The following OR2AJ1 variants were observed in gnomAD, a reference collection of about 807,000 sequenced individuals.
OR2AJ1 encodes the protein olfactory receptor family 2 subfamily AJ member 1.
For missense variants in OR2AJ1, 280 were observed against 163.2 expected, an observed-to-expected ratio of 1.72 and a Z score of -3.90; for synonymous variants, 105 against 60.3, an observed-to-expected ratio of 1.74 and a Z score of -3.44.
In OR2AJ1 at chr1:247,934,968, G is replaced by A. The variant is rs185816473; in HGVS notation, c.*213G>A. The A allele has an allele frequency of 1.8e-5, 8 of 439,132 alleles. No individual in the cohort carries two copies. Among genetic ancestry groups the A allele is most frequent in the Non-Finnish European group, 2.8e-5 (7 of 250,698 alleles). The allele number at this position is 439,132 out of a possible 1,614,324, so 27.2% of individuals were successfully genotyped here. On this transcript the variant is annotated 3_prime_UTR_variant, in exon 2 of 2. Coordinates refer to ENST00000318244, the MANE Select transcript of OR2AJ1 (RefSeq NM_001355235.2). The stretch of plus-strand genomic sequence containing the variant: ...ACAGGAAGTAGAAGTTACCCAAGGC[G>A]TCCTATTCCCTAACACCAAAATTGT...
chr1:247,930,109 T>A (rs945079472), intron 1 of OR2AJ1, among the ~76,000 whole-genome samples: 13 of 152,186 alleles, frequency 8.5e-5, no homozygotes, highest in African/African-American at 2.7e-4. Context: ...AAGTCTGATA[T>A]TTTAAGCTTA....
chr1:247,933,528 C>T lies in OR2AJ1; in HGVS notation c.-22-219C>T, dbSNP rs575668992. On this transcript the variant is annotated intron_variant, in intron 1 of 1. Coordinates refer to ENST00000318244, the MANE Select transcript of OR2AJ1 (RefSeq NM_001355235.2). ...TAAGATTATGAGACTCAAGATGGAG[C>T]CAAGGGCCCACTCAATATACTGAAT... Among the ~76,000 whole-genome samples, 93 of 152,138 alleles carry T rather than the reference C, an allele frequency of 6.1e-4. 1 individual carries two copies. Among genetic ancestry groups the T allele is most frequent in the African/African-American group, 2.1e-3 (89 of 41,506 alleles).
In OR2AJ1 at chr1:247,933,768, G is replaced by T. The variant is rs541390281; in HGVS notation, c.-1G>T. 3.5e-6 allele frequency: 2 copies of T among 578,482 alleles called. No individual in the cohort carries two copies. Among genetic ancestry groups the T allele is most frequent in the African/African-American group, 1.9e-5 (1 of 53,148 alleles). The allele number at this position is 578,482 out of a possible 1,614,324, so 35.8% of individuals were successfully genotyped here. ...TTAGGTTAAAAAATAGAGAATTCATGATGGGCCATCAGAATCACACTTTCA... is the reference window on the plus strand; with the variant it reads ...TTAGGTTAAAAAATAGAGAATTCATTATGGGCCATCAGAATCACACTTTCA... On this transcript the variant is annotated 5_prime_UTR_variant, in exon 2 of 2. The change abolishes an upstream ATG in the 5' untranslated region. Transcript: ENST00000318244.
In OR2AJ1 at chr1:247,933,960, C is replaced by T; in HGVS notation, c.192C>T (p.Ser64=). Residue 64 remains serine (S), a synonymous_variant, in exon 2 of 2, where the codon AGC becomes AGT. Transcript: ENST00000318244. ...RLHTPMYFLL[S]HLSLMDILHV... is the part of the protein sequence containing the mutation. ...ACACTCCAATGTATTTTCTGCTCAG[C>T]CATCTCTCCTTAATGGATATCTTGC... is the stretch of plus-strand genomic sequence containing the variant. The T allele has an allele frequency of 5.6e-6, 4 of 717,632 alleles. No homozygotes were observed. Among genetic ancestry groups the T allele is most frequent in the Non-Finnish European group, 1.0e-5 (4 of 385,098 alleles). The allele number at this position is 717,632 out of a possible 1,614,324, so 44.5% of individuals were successfully genotyped here.
intron 1 of OR2AJ1, among the ~76,000 whole-genome samples, chr1:247,930,819 GA>G (rs1285120751): frequency 3.9e-5 from 6 of 151,946 alleles, no homozygotes; most frequent in Non-Finnish European, 8.8e-5. Flanking sequence ...GATGTGTCTG[GA>G]AAAAAATGTG....
chr1:247,927,682 C>T (rs770907910), intron 1 of OR2AJ1, among the ~76,000 whole-genome samples: 10 of 152,188 alleles, frequency 6.6e-5, no homozygotes, highest in Non-Finnish European at 1.0e-4. Flanking sequence ...CTTAGGCCCT[C>T]GTGTTTCCCA....
At chr1:247,930,666 C>T (rs1408629763) in intron 1 of OR2AJ1, among the ~76,000 whole-genome samples, 1 of 152,092 alleles carries the variant, frequency 6.6e-6, no homozygotes, top group Non-Finnish European at 1.5e-5. Context: ...GAATAGTTGG[C>T]TAAATAATTT....
At chr1:247,929,466 A>G (rs949655223) in intron 1 of OR2AJ1, among the ~76,000 whole-genome samples, 2 of 151,878 alleles carry the variant, frequency 1.3e-5, no homozygotes, top group East Asian at 1.9e-4. Context: ...AACCCCTTAC[A>G]TGTGTATTTA....
At chr1:247,929,037 G>A (rs749969461) in intron 1 of OR2AJ1, among the ~76,000 whole-genome samples, 1 of 152,176 alleles carries the variant, frequency 6.6e-6, no homozygotes, top group Non-Finnish European at 1.5e-5. Flanking sequence ...GTAACAAGGA[G>A]AAGACATGTG....
In OR2AJ1 at chr1:247,934,461, A is replaced by G. The variant is rs1660194289; in HGVS notation, c.693A>G (p.Ser231=). 1 of 717,544 alleles carries G rather than the reference A, an allele frequency of 1.4e-6. No homozygotes were observed. Among genetic ancestry groups the G allele is most frequent in the Non-Finnish European group, 2.6e-6 (1 of 385,104 alleles). 44.4% of individuals were successfully genotyped at this position (717,544 alleles called of 1,614,324 possible). A position where few individuals can be genotyped will look rare whatever the true frequency, so the allele number is the denominator to read the frequency against. The change falls in exon 2 of 2, where the codon TCA becomes TCG. Residue 231 remains serine, a synonymous_variant. Transcript: ENST00000318244. ...IILTVLQMKS[S]EARKKSFSTC... is the part of the protein sequence containing the mutation. ...TTACTGTCCTCCAGATGAAATCATC[A>G]GAGGCAAGGAAAAAGTCATTTTCCA...
In OR2AJ1 at chr1:247,933,874, A is replaced by G. The variant is rs769203478; in HGVS notation, c.106A>G (p.Ile36Val). Residue 36 changes from isoleucine to valine, a missense_variant, in exon 2 of 2, where the codon ATT becomes GTT. Transcript: ENST00000318244. ...CTTCTTAGTTTTATTTGTCATTTTC[A>G]TTATGAGTGTAACAGAAAATACGCT... The part of the protein sequence containing the change: ...VFFLVLFVIF[I>V]MSVTENTLMI... 13 of 703,076 alleles carry G rather than the reference A, an allele frequency of 1.8e-5. No individual in the cohort carries two copies. Among genetic ancestry groups the G allele is most frequent in the Non-Finnish European group, 2.7e-5 (10 of 376,336 alleles). 43.6% of individuals were successfully genotyped at this position (703,076 alleles called of 1,614,324 possible).
intron 1 of OR2AJ1, among the ~76,000 whole-genome samples, chr1:247,932,271 G>A (rs189073625): frequency 1.3e-5 from 2 of 152,292 alleles, no homozygotes; most frequent in East Asian, 3.9e-4. Context: ...AGGAGGCTGA[G>A]GTTGCAGTGA....
chr1:247,932,183 C>T (rs1305643188), intron 1 of OR2AJ1, among the ~76,000 whole-genome samples: 1 of 152,084 alleles, frequency 6.6e-6, no homozygotes, highest in East Asian at 1.9e-4. Context: ...TAGTAACATA[C>T]AAAACTTAGC....
intron 1 of OR2AJ1, among the ~76,000 whole-genome samples, chr1:247,926,638 A>G (rs1660094242): frequency 6.6e-6 from 1 of 152,170 alleles, no homozygotes; most frequent in Non-Finnish European, 1.5e-5. Context: ...GGGGTTACTT[A>G]CAGTTCTACA....
intron 1 of OR2AJ1, among the ~76,000 whole-genome samples, chr1:247,929,590 C>A (rs1020642934): frequency 8.0e-5 from 8 of 100,376 alleles, no homozygotes; most frequent in Non-Finnish European, 1.9e-4. Context: ...CTATTCCCCC[C>A]CTTCACTCGG....
chr1:247,929,941 C>T (rs995059974), intron 1 of OR2AJ1, among the ~76,000 whole-genome samples: 1 of 152,050 alleles, frequency 6.6e-6, no homozygotes, highest in Non-Finnish European at 1.5e-5. Flanking sequence ...CATTATATTT[C>T]TATTATATCC....
intron 1 of OR2AJ1, among the ~76,000 whole-genome samples, chr1:247,929,718 A>T (rs1383920371): frequency 6.6e-6 from 1 of 151,978 alleles, no homozygotes; most frequent in Admixed American, 6.6e-5. Context: ...TTTCATAGAA[A>T]TTCATTTCAG....
At chr1:247,929,377 C>G (rs181052011) in intron 1 of OR2AJ1, among the ~76,000 whole-genome samples, 48 of 152,128 alleles carry the variant, frequency 3.2e-4, no homozygotes, top group Non-Finnish European at 4.6e-4. Context: ...TATCCTGAAT[C>G]TCTCTTCTTT....
rs1660200819 is a variant in OR2AJ1 at position 247,934,917 on chromosome 1, G to A, written c.*162G>A. ...CTAAAAATGTAGTGTTCCTTCTGTG[G>A]TACCAATTATAATCATGCAACAGTT... On this transcript the variant is annotated 3_prime_UTR_variant, in exon 2 of 2. Transcript: ENST00000318244. 1 of 555,722 alleles carries A rather than the reference G, an allele frequency of 1.8e-6. No homozygotes were observed. Among genetic ancestry groups the A allele is most frequent in the African/African-American group, 1.9e-5 (1 of 52,300 alleles). The allele number at this position is 555,722 out of a possible 1,614,324, so 34.4% of individuals were successfully genotyped here. A position where few individuals can be genotyped will look rare whatever the true frequency, so the allele number is the denominator to read the frequency against.
Sources: gnomAD v4.1 joint callset for allele counts (sites outside exome capture counted in the v4.1 genomes callset) on GRCh38, gnomAD v4.1.1 for gene constraint, MANE v1.5 for transcripts, NCBI Gene and HGNC (gene_info 2026-07-23, HGNC 2026-07-21) for gene names.